NAV2: variants seen among roughly 807,000 people sequenced by gnomAD.
NAV2 encodes the protein helicase, APC down-regulated 1.
Under a neutral mutation model 223.2 loss-of-function variants are expected in NAV2, and 54 were observed. That is an observed-to-expected ratio of 0.24 (90% CI 0.19 to 0.30). The LOEUF is 0.30. NAV2 is among the 10% of genes least tolerant of loss of function. NAV2 has a pLI of 1.00. For missense variants in NAV2, 2,806 were observed against 3,147.5 expected (o/e 0.89, Z 2.60); for synonymous variants, 1,279 against 1,239.3 (o/e 1.03, Z -0.67).
chr11:19,545,194 G>A (rs2044460300), intron 1 of NAV2, among the ~76,000 whole-genome samples: 1 of 152,218 alleles, frequency 6.6e-6, no homozygotes, highest in South Asian at 2.1e-4. Flanking sequence ...GCTCACAGGA[G>A]GGTCAAGCTG....
chr11:19,873,414 G>A (rs2153064597), intron 4 of NAV2, among the ~76,000 whole-genome samples: 1 of 152,228 alleles, frequency 6.6e-6, no homozygotes, highest in Middle Eastern at 3.4e-3. Context: ...GAAAAGGAAG[G>A]TGAAAGGAAA....
At chr11:19,556,962 T>C (rs1222560087) in intron 1 of NAV2, among the ~76,000 whole-genome samples, 1 of 152,254 alleles carries the variant, frequency 6.6e-6, no homozygotes, top group Non-Finnish European at 1.5e-5. Context: ...ACCTTGATTT[T>C]AAAAATCTCT....
chr11:19,363,409 G>T (rs1282004866), intron 1 of NAV2, among the ~76,000 whole-genome samples: 1 of 152,122 alleles, frequency 6.6e-6, no homozygotes, highest in Non-Finnish European at 1.5e-5. Flanking sequence ...GGTTCCAAAG[G>T]TATTATTATC....
At chr11:19,718,731 G>T (rs1425485672) in intron 1 of NAV2, among the ~76,000 whole-genome samples, 1 of 152,108 alleles carries the variant, frequency 6.6e-6, no homozygotes, top group Non-Finnish European at 1.5e-5. Flanking sequence ...TACTCCATGG[G>T]TTAATTTTCT....
At chr11:19,348,836 T>C (rs1005061391), upstream of NAV2, among the ~76,000 whole-genome samples, 2 of 152,128 alleles carry the variant, frequency 1.3e-5, no homozygotes, top group Non-Finnish European at 2.9e-5. Flanking sequence ...GAAGCTGCAG[T>C]GTTGAGATTT....
At chr11:19,714,946 C>T (rs983290359) in intron 1 of NAV2, among the ~76,000 whole-genome samples, 2 of 152,044 alleles carry the variant, frequency 1.3e-5, no homozygotes, top group Middle Eastern at 3.2e-3. Context: ...TGTGACTGTC[C>T]GGTTAGGAGA....
intron 1 of NAV2, among the ~76,000 whole-genome samples, chr11:19,446,830 C>T (rs1452368071): frequency 6.6e-6 from 1 of 152,166 alleles, no homozygotes; most frequent in Non-Finnish European, 1.5e-5. Context: ...CTGGAGGTCT[C>T]ATGACCCCCA....
intron 1 of NAV2, among the ~76,000 whole-genome samples, chr11:19,375,098 T>C (rs1848598514): frequency 1.3e-5 from 2 of 152,350 alleles, no homozygotes; most frequent in African/African-American, 4.8e-5. Context: ...ATCTTATACT[T>C]CTGTGTTCCT....
chr11:19,990,734 C>T (rs2051247661), intron 11 of NAV2, among the ~76,000 whole-genome samples: 1 of 152,154 alleles, frequency 6.6e-6, no homozygotes, highest in Non-Finnish European at 1.5e-5. Context: ...CTATAATGGC[C>T]ACCACTATTT....
chr11:19,785,647 C>CTTTTTTTTTTT (rs3214722), intron 1 of NAV2, among the ~76,000 whole-genome samples: 3,742 of 141,408 alleles, frequency 0.026, 115 homozygotes, highest in African/African-American at 0.078. Flanking sequence ...CGTCAGCTGG[C>CTTTTTTTTTTT]TTTTTTTTTT....
chr11:19,950,450 G>A lies in NAV2; in HGVS notation c.2645+1370G>A, dbSNP rs190991414. 3.2e-3 allele frequency among the ~76,000 whole-genome samples: 483 copies of A among 152,342 alleles called. 1 individual carries two copies. Among genetic ancestry groups the A allele is most frequent in the African/African-American group, 0.011 (456 of 41,592 alleles). ...GGCTTGCAGCTATTAGGGACAGAGC[G>A]TAATAGTGTACCATCTTGCCAACGT... On this transcript the variant is annotated intron_variant, in intron 10 of 37. Transcript: ENST00000349880.
chr11:19,728,519 C>A (rs902058644), intron 1 of NAV2, among the ~76,000 whole-genome samples: 16 of 152,196 alleles, frequency 1.1e-4, no homozygotes, highest in Non-Finnish European at 1.9e-4. Context: ...TGGTCATTGC[C>A]ACACAGACCA....
chr11:19,486,749 G>A (rs60489156), intron 1 of NAV2, among the ~76,000 whole-genome samples: 116 of 152,200 alleles, frequency 7.6e-4, no homozygotes, highest in African/African-American at 2.4e-3. Flanking sequence ...GACTAATACC[G>A]TCACTCTCTC....
At chr11:19,726,682 A>G (rs1398854631) in intron 1 of NAV2, among the ~76,000 whole-genome samples, 1 of 152,208 alleles carries the variant, frequency 6.6e-6, no homozygotes, top group Non-Finnish European at 1.5e-5. Context: ...TTTGTGATCT[A>G]AACACTTGCT....
chr11:19,762,641 A>G (rs949611076), intron 1 of NAV2, among the ~76,000 whole-genome samples: 2 of 130,878 alleles, frequency 1.5e-5, no homozygotes, highest in East Asian at 4.3e-4. Flanking sequence ...TTGAGATGAC[A>G]TCTCACTCTG....
intron 1 of NAV2, among the ~76,000 whole-genome samples, chr11:19,736,080 G>A (rs1007693422): frequency 1.3e-5 from 2 of 152,312 alleles, no homozygotes; most frequent in South Asian, 2.1e-4. Context: ...AGTGAGGTCC[G>A]TGGAGGGTTG....
At chr11:19,986,722 A>C (rs1442897990) in intron 11 of NAV2, among the ~76,000 whole-genome samples, 1 of 152,238 alleles carries the variant, frequency 6.6e-6, no homozygotes, top group Non-Finnish European at 1.5e-5. Context: ...AAAGACTACA[A>C]ATTTACCCTT....
intron 1 of NAV2, among the ~76,000 whole-genome samples, chr11:19,577,293 C>T (rs2045597128): frequency 6.6e-6 from 1 of 152,378 alleles, no homozygotes; most frequent in South Asian, 2.1e-4. Context: ...CTATTTGCTT[C>T]CTTCATGGGG....
chr11:19,497,242 G>A lies in NAV2; in HGVS notation c.75+146215G>A, dbSNP rs11025159. 7.2e-4 allele frequency among the ~76,000 whole-genome samples: 110 copies of A among 152,308 alleles called. 1 individual carries two copies. In the East Asian group the frequency reaches 0.018, roughly 25 times the overall value. ...GTCTCTGCCTCACAGGTTGTTATGA[G>A]GATTGAATGAGTTAATGTTTGGAAA... On this transcript the variant is annotated intron_variant, in intron 1 of 37. Coordinates refer to the NAV2 transcript ENST00000360655.
Sources: gnomAD v4.1 joint callset for allele counts (sites outside exome capture counted in the v4.1 genomes callset) on GRCh38, gnomAD v4.1.1 for gene constraint, MANE v1.5 for transcripts, NCBI Gene and HGNC (gene_info 2026-07-23, HGNC 2026-07-21) for gene names.